Variants in CDYL observed in about 807,000 individuals in gnomAD.
CDYL encodes the protein chromodomain Y like.
Under a neutral mutation model 47.3 loss-of-function variants are expected in CDYL, and 8 were observed. The observed-to-expected ratio is 0.17, with a 90% CI of 0.10 to 0.31. The LOEUF (loss-of-function observed/expected upper bound fraction) is 0.31. Among genes scored for constraint, CDYL ranks in the 10% least tolerant of loss-of-function variants. The pLI is 1.00. For missense variants in CDYL, 471 were observed against 701.4 expected (o/e 0.67, Z 3.71); for synonymous variants, 266 against 265.0 (o/e 1.00, Z -0.04).
intron 1 of CDYL, among the ~76,000 whole-genome samples, chr6:4,843,772 T>C (rs1760573886): frequency 6.6e-6 from 1 of 152,186 alleles, no homozygotes; most frequent in Non-Finnish European, 1.5e-5. Flanking sequence ...TTTACCATTC[T>C]CTGGTGCCTC....
intron 1 of CDYL, among the ~76,000 whole-genome samples, chr6:4,711,060 G>A (rs1582266835): frequency 1.3e-5 from 2 of 152,168 alleles, no homozygotes; most frequent in East Asian, 3.9e-4. Context: ...TACTGTAAAA[G>A]AAATAAGACC....
At chr6:4,785,304 C>T (rs571831912) in intron 1 of CDYL, among the ~76,000 whole-genome samples, 26 of 152,262 alleles carry the variant, frequency 1.7e-4, no homozygotes, top group African/African-American at 5.8e-4. Context: ...AACGTGTGAC[C>T]GTATAGTATA....
At chr6:4,780,213 C>T (rs998559693) in intron 1 of CDYL, among the ~76,000 whole-genome samples, 3 of 151,388 alleles carry the variant, frequency 2.0e-5, no homozygotes, top group African/African-American at 7.3e-5. Flanking sequence ...CCCTCCTTTC[C>T]TCCTTCCTTT....
chr6:4,846,194 A>AT (rs1452749830), intron 1 of CDYL, among the ~76,000 whole-genome samples: 4 of 151,720 alleles, frequency 2.6e-5, no homozygotes, highest in Non-Finnish European at 5.9e-5. Context: ...AAAAAAAAAA[A>AT]AAAAAGGTGG....
intron 2 of CDYL, among the ~76,000 whole-genome samples, chr6:4,899,168 C>T (rs1006503397): frequency 2.6e-5 from 4 of 152,208 alleles, no homozygotes; most frequent in Middle Eastern, 3.2e-3. Flanking sequence ...TTGTAATCAT[C>T]CCCTGTTGTA....
At chr6:4,900,356 A>C (rs957676040) in intron 2 of CDYL, among the ~76,000 whole-genome samples, 1 of 152,192 alleles carries the variant, frequency 6.6e-6, no homozygotes, top group Non-Finnish European at 1.5e-5. Context: ...AGAAATACCC[A>C]TATAGTATCC....
upstream of CDYL, chr6:4,773,192 A>T (rs1383560867): frequency 6.6e-6 from 3 of 457,270 alleles, no homozygotes; most frequent in African/African-American, 6.0e-5. This position sits in a 1 kb window ranked among gnomAD's most constrained non-coding sequence, Gnocchi z 4.6. Context: ...AGAATCGTTT[A>T]TTGCTGGTAG....
At chr6:4,758,368 A>ATATATATATATATATATATATATC (rs1400799578) in intron 3 of CDYL, among the ~76,000 whole-genome samples, 13 of 144,500 alleles carry the variant, frequency 9.0e-5, no homozygotes, top group African/African-American at 3.1e-4. Flanking sequence ...ATATATATAT[A>ATATATATATATATATATATATATC]TATCTCTTTG....
intron 3 of CDYL, among the ~76,000 whole-genome samples, chr6:4,750,914 A>G (rs1436259763): frequency 2.0e-5 from 3 of 148,350 alleles, no homozygotes; most frequent in Non-Finnish European, 4.4e-5. Flanking sequence ...GTGCAGTGGC[A>G]CGATCTCGGC....
chr6:4,827,558 A>G (rs112736300), intron 1 of CDYL, among the ~76,000 whole-genome samples: 17 of 152,388 alleles, frequency 1.1e-4, no homozygotes, highest in Non-Finnish European at 1.8e-4. Flanking sequence ...ATGTCTGTCT[A>G]TACAGCTCCA....
intron 1 of CDYL, among the ~76,000 whole-genome samples, chr6:4,713,583 TAG>T (rs762209259): frequency 0.25 from 34,219 of 138,018 alleles, 4,586 homozygotes; most frequent in South Asian, 0.31. Flanking sequence ...TTCTATCATT[TAG>T]ATTCTTTTTT....
At chr6:4,707,696 A>C (rs1757071922) in intron 1 of CDYL, among the ~76,000 whole-genome samples, 1 of 152,216 alleles carries the variant, frequency 6.6e-6, no homozygotes, top group Non-Finnish European at 1.5e-5. Flanking sequence ...GATAGTACCT[A>C]ATTTAAAAGT....
intron 5 of CDYL, among the ~76,000 whole-genome samples, chr6:4,945,743 C>T (rs186573305): frequency 6.0e-4 from 91 of 152,362 alleles, no homozygotes; most frequent in Non-Finnish European, 2.1e-4. Flanking sequence ...CCTCTCAGGC[C>T]GTGCCGACGC....
chr6:4,842,204 T>C (rs1229313367), intron 1 of CDYL, among the ~76,000 whole-genome samples: 1 of 138,630 alleles, frequency 7.2e-6, no homozygotes, highest in Non-Finnish European at 1.5e-5. Flanking sequence ...ATAATATAAA[T>C]AATAATATAT....
intron 1 of CDYL, among the ~76,000 whole-genome samples, chr6:4,853,402 T>C (rs578209058): frequency 6.6e-6 from 1 of 152,312 alleles, no homozygotes; most frequent in African/African-American, 2.4e-5. Context: ...AGAGCCTGCA[T>C]CTGAATCCAG....
chr6:4,864,383 CATTT>C (rs1761261142), intron 1 of CDYL, among the ~76,000 whole-genome samples: 1 of 152,084 alleles, frequency 6.6e-6, no homozygotes, highest in Non-Finnish European at 1.5e-5. Context: ...AATTGGGAAA[CATTT>C]TATTGACTAA....
intron 1 of CDYL, among the ~76,000 whole-genome samples, chr6:4,874,754 C>T (rs572067384): frequency 1.2e-4 from 19 of 152,230 alleles, no homozygotes; most frequent in Non-Finnish European, 2.8e-4. Flanking sequence ...GCACTGTTCT[C>T]ATGTCCCTTT....
intron 2 of CDYL, among the ~76,000 whole-genome samples, chr6:4,729,779 A>T (rs1483862835): frequency 6.6e-6 from 1 of 152,152 alleles, no homozygotes; most frequent in South Asian, 2.1e-4. Flanking sequence ...TTAGCTGTGC[A>T]TGGTGGTGCA....
At chr6:4,716,930 G>A (rs895735761) in intron 2 of CDYL, among the ~76,000 whole-genome samples, 9 of 152,120 alleles carry the variant, frequency 5.9e-5, no homozygotes, top group Non-Finnish European at 1.0e-4. Context: ...GCACCCCAGA[G>A]AGGGACACAG....
Sources: allele counts gnomAD v4.1 joint callset (sites outside exome capture counted in the v4.1 genomes callset), GRCh38; gene constraint gnomAD v4.1.1; non-coding constraint Gnocchi (gnomAD v3.1); transcripts MANE v1.5; gene names NCBI Gene and HGNC (gene_info 2026-07-23, HGNC 2026-07-21).